PRRX1: variants seen among roughly 807,000 people sequenced by gnomAD.
PRRX1 encodes paired related homeobox 1.
PRRX1 carries 8 observed loss-of-function variants against 24.0 expected under a neutral mutation model. The observed-to-expected ratio is 0.33, with a 90% CI of 0.20 to 0.60. The LOEUF (loss-of-function observed/expected upper bound fraction) is 0.60, where lower values mean the gene tolerates loss of function less well. Ranked by LOEUF, PRRX1 falls within the 20% of genes least tolerant of loss-of-function variation. The pLI, the probability that PRRX1 is intolerant of heterozygous loss-of-function variation, is 0.82. For synonymous variants in PRRX1, 160 were observed against 131.7 expected (o/e 1.22, Z -1.47); for missense variants, 281 against 322.4 (o/e 0.87, Z 0.98).
intron 1 of PRRX1, among the ~76,000 whole-genome samples, chr1:170,675,706 T>G (rs879308934): frequency 2.0e-5 from 3 of 152,126 alleles, no homozygotes; most frequent in Non-Finnish European, 4.4e-5. Context: ...AAACAACATA[T>G]TTTATTATTA....
chr1:170,687,776 T>C (rs1220738033), intron 1 of PRRX1, among the ~76,000 whole-genome samples: 1 of 152,214 alleles, frequency 6.6e-6, no homozygotes, highest in African/African-American at 2.4e-5. Context: ...ACTGTGTGGA[T>C]ATATCCTTGA....
At chr1:170,709,309 C>A (rs1169258163) in intron 1 of PRRX1, among the ~76,000 whole-genome samples, 2 of 152,066 alleles carry the variant, frequency 1.3e-5, no homozygotes, top group Non-Finnish European at 2.9e-5. Context: ...TGGGTAAGGT[C>A]TGTGATGTGT....
chr1:170,677,178 G>C (rs1653350704), intron 1 of PRRX1, among the ~76,000 whole-genome samples: 1 of 152,174 alleles, frequency 6.6e-6, no homozygotes, highest in African/African-American at 2.4e-5. Flanking sequence ...GTTGGATTCA[G>C]AAAATTCTGT....
intron 2 of PRRX1, among the ~76,000 whole-genome samples, chr1:170,721,745 T>C (rs1435790944): frequency 6.6e-6 from 1 of 152,112 alleles, no homozygotes; most frequent in East Asian, 1.9e-4. Flanking sequence ...ATTATGCAAT[T>C]TGTCTTCCCA....
chr1:170,689,814 GTC>G (rs1174654159), intron 1 of PRRX1, among the ~76,000 whole-genome samples: 12 of 108,098 alleles, frequency 1.1e-4, no homozygotes, highest in East Asian at 7.9e-4. Flanking sequence ...TTAATATTCC[GTC>G]TCTCTCTCTC....
intron 1 of PRRX1, among the ~76,000 whole-genome samples, chr1:170,707,484 T>G (rs1654607560): frequency 6.6e-6 from 1 of 152,232 alleles, no homozygotes; most frequent in African/African-American, 2.4e-5. Context: ...ACATCTTCTT[T>G]AATTGATTTA....
chr1:170,697,835 TATAG>T (rs988691957), intron 1 of PRRX1, among the ~76,000 whole-genome samples: 1 of 147,298 alleles, frequency 6.8e-6, no homozygotes, highest in Non-Finnish European at 1.5e-5. Context: ...TGTATAAATA[TATAG>T]ATATACAAAT....
intron 1 of PRRX1, among the ~76,000 whole-genome samples, chr1:170,717,239 A>G (rs968344369): frequency 1.3e-5 from 2 of 152,252 alleles, no homozygotes; most frequent in African/African-American, 4.8e-5. Context: ...GTCATAAACT[A>G]TAATTCTCCA....
rs1275229154 is a variant in PRRX1, at chr1:170,739,412, G to A, written c.*3226G>A. ...AAAGAAGGACTCTACCATGTCTTTTGTTATATACATTTAAGCCTGCTGATT... is the reference window on the plus strand; with the variant it reads ...AAAGAAGGACTCTACCATGTCTTTTATTATATACATTTAAGCCTGCTGATT... On this transcript the variant is annotated 3_prime_UTR_variant, in exon 4 of 4. Transcript: ENST00000239461. The A allele has an allele frequency of 5.8e-6, 1 of 172,356 alleles. No homozygotes were observed. The highest frequency in any genetic ancestry group is 1.3e-5 in the Non-Finnish European group (1 of 79,524). 10.7% of individuals were successfully genotyped at this position (172,356 alleles called of 1,614,324 possible). A position where few individuals can be genotyped will look rare whatever the true frequency, so the allele number is the denominator to read the frequency against.
chr1:170,691,838 T>G (rs987729716), intron 1 of PRRX1, among the ~76,000 whole-genome samples: 2 of 151,980 alleles, frequency 1.3e-5, no homozygotes, highest in African/African-American at 4.8e-5. Flanking sequence ...GTGCTCTGGG[T>G]TGTGGTCAAC....
chr1:170,730,488 G>C, intron 3 of PRRX1: 1 of 690,550 alleles, frequency 1.4e-6, no homozygotes, highest in Non-Finnish European at 2.5e-6. Context: ...TTGGTAACCA[G>C]AGCTGCAAGA....
chr1:170,718,651 T>C (rs1654980172), intron 1 of PRRX1, among the ~76,000 whole-genome samples: 1 of 152,164 alleles, frequency 6.6e-6, no homozygotes, highest in Non-Finnish European at 1.5e-5. Context: ...TCAAGTTCAT[T>C]AGATGGAGCA....
chr1:170,735,837 C>T (rs960889890), intron 3 of PRRX1, among the ~76,000 whole-genome samples: 4 of 152,186 alleles, frequency 2.6e-5, no homozygotes, highest in African/African-American at 9.7e-5. Flanking sequence ...CTCTACACCA[C>T]TTTCTCCTGC....
At chr1:170,730,977 A>G (rs532711503) in intron 3 of PRRX1, among the ~76,000 whole-genome samples, 1 of 152,238 alleles carries the variant, frequency 6.6e-6, no homozygotes, top group African/African-American at 2.4e-5. Context: ...TAGCAGAAAG[A>G]TCACTGAACA....
intron 1 of PRRX1, among the ~76,000 whole-genome samples, chr1:170,711,633 T>G (rs893444846): frequency 6.6e-6 from 1 of 152,178 alleles, no homozygotes; most frequent in Non-Finnish European, 1.5e-5. Context: ...GATGCTTGCC[T>G]CTCATGAAAA....
chr1:170,703,886 ACAT>A (rs1654476365), intron 1 of PRRX1, among the ~76,000 whole-genome samples: 1 of 152,216 alleles, frequency 6.6e-6, no homozygotes, highest in African/African-American at 2.4e-5. Flanking sequence ...AACAAAGAAG[ACAT>A]CATGAAAATA....
intron 1 of PRRX1, among the ~76,000 whole-genome samples, chr1:170,696,823 T>C (rs889863595): frequency 6.6e-6 from 1 of 152,190 alleles, no homozygotes; most frequent in Non-Finnish European, 1.5e-5. Flanking sequence ...TGGGCCTCAC[T>C]GTATGAAAGC....
At chr1:170,677,941 G>A (rs546199577) in intron 1 of PRRX1, among the ~76,000 whole-genome samples, 1 of 152,148 alleles carries the variant, frequency 6.6e-6, no homozygotes, top group South Asian at 2.1e-4. Context: ...AAGGTGTTAA[G>A]GTTTCTTATT....
chr1:170,689,839 C>CTCTCTTTCTCTCT (rs1558049688), intron 1 of PRRX1, among the ~76,000 whole-genome samples: 1 of 91,602 alleles, frequency 1.1e-5, no homozygotes, highest in African/African-American at 4.1e-5. Context: ...TCTCTCTCTC[C>CTCTCTTTCTCTCT]CTCTCTCTCT....
Sources: allele counts gnomAD v4.1 joint callset (sites outside exome capture counted in the v4.1 genomes callset), GRCh38; gene constraint gnomAD v4.1.1; transcripts MANE v1.5; gene names NCBI Gene and HGNC (gene_info 2026-07-23, HGNC 2026-07-21).